Variants in EPB41L3 observed in about 807,000 individuals in gnomAD.
EPB41L3 encodes the protein erythrocyte membrane protein band 4.1 like 3.
EPB41L3 carries 57 observed loss-of-function variants against 127.1 expected under a neutral mutation model. That is an observed-to-expected ratio of 0.45 (90% CI 0.36 to 0.56). The LOEUF is 0.56. Among genes scored for constraint, EPB41L3 ranks in the 20% least tolerant of loss-of-function variants. EPB41L3 has a pLI of 0.00. For missense variants in EPB41L3, 1,273 were observed against 1,372.2 expected (o/e 0.93, Z 1.14); for synonymous variants, 572 against 549.5 (o/e 1.04, Z -0.57).
At chr18:5,524,930 G>T (rs144085592) in intron 1 of EPB41L3, among the ~76,000 whole-genome samples, 1 of 152,154 alleles carries the variant, frequency 6.6e-6, no homozygotes, top group African/African-American at 2.4e-5. Context: ...CAAAGCAAGT[G>T]GGGGAGGGGC....
chr18:5,609,136 C>A lies in EPB41L3; in HGVS notation c.-306+3204G>T, dbSNP rs553068301. 3.9e-5 allele frequency among the ~76,000 whole-genome samples: 6 copies of A among 152,322 alleles called. No individual in the cohort carries two copies. In the South Asian group the frequency reaches 1.2e-3, roughly 32 times the overall value. On this transcript the variant is annotated intron_variant, in intron 3 of 21. Transcript: ENST00000545076. Reference sequence around the variant, plus strand: ...TCCACCAGCTAAGACAGTGACATGGCAGTTTCAAATTTATTGAGAGAGAGG... The same window carrying A: ...TCCACCAGCTAAGACAGTGACATGGAAGTTTCAAATTTATTGAGAGAGAGG...
chr18:5,400,275 C>A, intron 16 of EPB41L3: 1 of 247,978 alleles, frequency 4.0e-6, no homozygotes, highest in Non-Finnish European at 8.1e-6. Context: ...ACAATATGAC[C>A]AGGTAGGTTA....
chr18:5,432,731 A>G (rs531402991), intron 8 of EPB41L3, among the ~76,000 whole-genome samples: 1 of 152,254 alleles, frequency 6.6e-6, no homozygotes, highest in African/African-American at 2.4e-5. Flanking sequence ...TAACCCTCCT[A>G]CAGTCTCAAC....
chr18:5,484,103 A>C (rs61691506), intron 2 of EPB41L3, among the ~76,000 whole-genome samples: 28 of 130,392 alleles, frequency 2.1e-4, no homozygotes, highest in African/African-American at 6.5e-4. Context: ...AAAAAAAAAA[A>C]AAAAAAAAAA....
At chr18:5,617,114 T>C (rs2094804342) in intron 1 of EPB41L3, among the ~76,000 whole-genome samples, 1 of 152,182 alleles carries the variant, frequency 6.6e-6, no homozygotes, top group African/African-American at 2.4e-5. Context: ...TTTCATAAAA[T>C]TCTCTTTCAC....
At chr18:5,529,525 GA>G (rs1414803478) in intron 1 of EPB41L3, among the ~76,000 whole-genome samples, 1 of 152,012 alleles carries the variant, frequency 6.6e-6, no homozygotes, top group Admixed American at 6.6e-5. Flanking sequence ...CACAAGCTTG[GA>G]AAACTGGTAC....
chr18:5,625,579 GT>G (rs1269442619), intron 1 of EPB41L3, among the ~76,000 whole-genome samples: 1 of 152,196 alleles, frequency 6.6e-6, no homozygotes, highest in Non-Finnish European at 1.5e-5. Context: ...CCCCTTGCCA[GT>G]TTCAAATGTG....
intron 6 of EPB41L3, among the ~76,000 whole-genome samples, chr18:5,437,251 C>A (rs948818271): frequency 6.6e-6 from 1 of 152,106 alleles, no homozygotes. Flanking sequence ...AGTGCCCTTA[C>A]AAGAAAGGCT....
chr18:5,542,699 A>G (rs2093766841), intron 1 of EPB41L3, among the ~76,000 whole-genome samples: 1 of 151,914 alleles, frequency 6.6e-6, no homozygotes, highest in Non-Finnish European at 1.5e-5. Context: ...ACCAACTTTA[A>G]CCCTGGGCTG....
intron 5 of EPB41L3, among the ~76,000 whole-genome samples, chr18:5,441,230 G>C (rs1040201854): frequency 1.3e-5 from 2 of 151,938 alleles, no homozygotes; most frequent in African/African-American, 4.8e-5. Context: ...TTGTTAGCTC[G>C]GTTTCCATTT....
intron 3 of EPB41L3, among the ~76,000 whole-genome samples, chr18:5,576,006 A>G (rs1208663961): frequency 1.3e-5 from 2 of 152,236 alleles, no homozygotes; most frequent in Admixed American, 1.3e-4. Flanking sequence ...ATCCATACGT[A>G]TAATTTTGAT....
intron 3 of EPB41L3, among the ~76,000 whole-genome samples, chr18:5,575,670 C>A (rs191084333): frequency 6.6e-6 from 1 of 152,076 alleles, no homozygotes; most frequent in Non-Finnish European, 1.5e-5. Flanking sequence ...AACCCCATCT[C>A]TACTAAAAAT....
At chr18:5,448,247 T>G (rs541987644) in intron 3 of EPB41L3, among the ~76,000 whole-genome samples, 2 of 152,178 alleles carry the variant, frequency 1.3e-5, no homozygotes, top group African/African-American at 4.8e-5. Flanking sequence ...CTACACGTCA[T>G]GATGAGAAAG....
Position 5,424,316 on chromosome 18 carries a change from T to C in EPB41L3, c.1109A>G (p.His370Arg). The change falls in exon 10 of 23, where the codon CAT becomes CGT. Residue 370 changes from histidine (H) to arginine (R), a missense_variant. Physicochemically the swap from His to Arg is conservative, Grantham distance 29 (BLOSUM62 0). Around this residue, in one of 3 missense-constraint regions of EPB41L3, gnomAD observed 326 missense variants for 440.2 expected, o/e 0.74. Coordinates refer to ENST00000341928, the MANE Select transcript of EPB41L3 (RefSeq NM_012307.5). ...TTTCCATAAACGCTTGGCAGCTCGA[T>C]GGTTTGGCAGCTTAAACCCAATGGT... is the stretch of plus-strand genomic sequence containing the variant. ...ESTIGFKLPN[H>R]RAAKRLWKVC... 6.2e-7 allele frequency: 1 copy of C among 1,608,868 alleles called. No homozygotes were observed. Among genetic ancestry groups the C allele is most frequent in the Non-Finnish European group, 8.5e-7 (1 of 1,177,652 alleles).
At position 5,489,049 on chromosome 18, in the gene EPB41L3, C is replaced by A. The variant is rs1452626766; in HGVS notation, c.135G>T (p.Leu45=). 6.3e-7 allele frequency: 1 copy of A among 1,595,610 alleles called. No homozygotes were observed. The highest frequency in any genetic ancestry group is 2.3e-5 in the East Asian group (1 of 44,108). ...EPPKEEQQQA[L]EQFAAAAAHS... is the part of the protein sequence containing the mutation. The stretch of plus-strand genomic sequence containing the variant: ...GCGCTGCAGCGGCGGCGAACTGCTC[C>A]AGGGCCTGCTGCTGCTCCTCCTTGG... The change falls in exon 2 of 23, where the codon CTG becomes CTT. Residue 45 remains leucine (L), a synonymous_variant. Coordinates refer to ENST00000341928, the MANE Select transcript of EPB41L3 (RefSeq NM_012307.5).
chr18:5,504,028 C>A (rs2091958423), intron 1 of EPB41L3, among the ~76,000 whole-genome samples: 1 of 152,168 alleles, frequency 6.6e-6, no homozygotes. Flanking sequence ...CCTCTTCTTT[C>A]CAAAGAAGTG....
chr18:5,455,506 T>G (rs989283728), intron 3 of EPB41L3, among the ~76,000 whole-genome samples: 1 of 152,196 alleles, frequency 6.6e-6, no homozygotes, highest in Middle Eastern at 3.2e-3. Context: ...GCTGTTCACA[T>G]GCAGTAGAGT....
intron 2 of EPB41L3, among the ~76,000 whole-genome samples, chr18:5,481,226 C>T (rs2088442187): frequency 6.6e-6 from 1 of 152,176 alleles, no homozygotes; most frequent in South Asian, 2.1e-4. Context: ...CAGAAGCAAG[C>T]TGGTTTCCCT....
chr18:5,596,647 C>T (rs1936068736), intron 3 of EPB41L3, among the ~76,000 whole-genome samples: 2 of 152,176 alleles, frequency 1.3e-5, no homozygotes, highest in South Asian at 4.1e-4. Context: ...TATGGCTGCT[C>T]ATCCCAAGCA....
Sources: allele counts gnomAD v4.1 joint callset (sites outside exome capture counted in the v4.1 genomes callset), GRCh38; gene constraint gnomAD v4.1.1; regional missense constraint gnomAD v4.1.1; transcripts MANE v1.5; gene names NCBI Gene and HGNC (gene_info 2026-07-23, HGNC 2026-07-21).